The following GALNTL6 variants were observed in gnomAD, a reference collection of about 807,000 sequenced individuals.
The protein encoded by GALNTL6 is polypeptide N-acetylgalactosaminyltransferase like 6.
Under a neutral mutation model 73.7 loss-of-function variants are expected in GALNTL6, and 46 were observed. That is an observed-to-expected ratio of 0.62 (90% confidence interval 0.49 to 0.80). The LOEUF (loss-of-function observed/expected upper bound fraction) is 0.80. Among genes scored for constraint, GALNTL6 ranks in the 30% least tolerant of loss-of-function variants. The pLI, the probability that GALNTL6 is intolerant of heterozygous loss-of-function variation, is 0.00. For synonymous variants in GALNTL6, 259 were observed against 263.7 expected, an observed-to-expected ratio of 0.98 and a Z score of 0.17; for missense variants, 604 against 755.0, an observed-to-expected ratio of 0.80 and a Z score of 2.34.
chr4:173,020,500 C>G (rs562452216), intron 11 of GALNTL6, among the ~76,000 whole-genome samples: 11 of 152,014 alleles, frequency 7.2e-5, no homozygotes, highest in Non-Finnish European at 1.5e-4. Flanking sequence ...AGGGAGGTCT[C>G]TGTGTGTGTG....
chr4:172,264,890 T>A (rs982747299), intron 3 of GALNTL6, among the ~76,000 whole-genome samples: 1 of 151,428 alleles, frequency 6.6e-6, no homozygotes, highest in East Asian at 1.9e-4. Context: ...CATAGTTTTC[T>A]TGGCTTTGTC....
intron 2 of GALNTL6, among the ~76,000 whole-genome samples, chr4:172,215,019 C>T (rs1736451136): frequency 6.6e-6 from 1 of 151,818 alleles, no homozygotes; most frequent in Non-Finnish European, 1.5e-5. Flanking sequence ...TTTATGGACT[C>T]ATGTACAGTA....
chr4:172,177,415 C>G (rs1300222438), intron 2 of GALNTL6, among the ~76,000 whole-genome samples: 1 of 151,978 alleles, frequency 6.6e-6, no homozygotes, highest in Non-Finnish European at 1.5e-5. Flanking sequence ...TGATTTAACC[C>G]ATTTTGGAGA....
At position 172,071,118 on chromosome 4, in the gene GALNTL6, T is replaced by TA. The variant is rs1238072502; in HGVS notation, c.139-158529dup. On this transcript the variant is annotated intron_variant, in intron 2 of 12. Transcript: ENST00000506823. Reference sequence around the variant, plus strand: ...AATGAAGGTGAAAATTGTACTATAGTAAAAAAAAAGATCCAAATGCAATGG... The same window carrying TA: ...AATGAAGGTGAAAATTGTACTATAGTAAAAAAAAAAGATCCAAATGCAATGG... Among the ~76,000 whole-genome samples the TA allele has an allele frequency of 6.5e-4, 69 of 106,332 alleles. 17 individuals carry two copies. The highest frequency in any genetic ancestry group is 5.3e-3 in the East Asian group (25 of 4,684). 69.8% of individuals were successfully genotyped at this position (106,332 alleles called of 152,430 possible). A position where few individuals can be genotyped will look rare whatever the true frequency, so the allele number is the denominator to read the frequency against.
chr4:172,883,536 T>C (rs1232256909), intron 8 of GALNTL6, among the ~76,000 whole-genome samples: 1 of 152,066 alleles, frequency 6.6e-6, no homozygotes, highest in Non-Finnish European at 1.5e-5. Flanking sequence ...AACAACCAGA[T>C]CTCACGAGAA....
intron 3 of GALNTL6, among the ~76,000 whole-genome samples, chr4:172,261,240 T>G (rs75167261): frequency 0.023 from 3,495 of 151,596 alleles, 118 homozygotes; most frequent in African/African-American, 0.079. Flanking sequence ...GTCCTGGTTT[T>G]TTTTGTTGTT....
At chr4:172,812,255 T>C (rs1741352471) in intron 6 of GALNTL6, among the ~76,000 whole-genome samples, 1 of 152,194 alleles carries the variant, frequency 6.6e-6, no homozygotes, top group Admixed American at 6.6e-5. Flanking sequence ...AAACGGACAG[T>C]TTCCTTACTG....
At chr4:172,449,558 C>G (rs1400764509) in intron 5 of GALNTL6, among the ~76,000 whole-genome samples, 1 of 152,098 alleles carries the variant, frequency 6.6e-6, no homozygotes, top group African/African-American at 2.4e-5. Flanking sequence ...TTGAGTTTTC[C>G]TAGATGCCAG....
At chr4:172,081,890 A>T (rs1158928444) in intron 2 of GALNTL6, among the ~76,000 whole-genome samples, 13 of 111,060 alleles carry the variant, frequency 1.2e-4, no homozygotes, top group East Asian at 2.2e-4. Flanking sequence ...TTTTTTTTTT[A>T]AATTGAGACA....
chr4:172,836,759 A>C (rs933037921), intron 7 of GALNTL6, among the ~76,000 whole-genome samples: 2 of 152,178 alleles, frequency 1.3e-5, no homozygotes, highest in East Asian at 3.8e-4. Flanking sequence ...TTGCCAGGTA[A>C]CTGAGGTGTG....
chr4:173,037,472 C>T (rs2126544447), intron 12 of GALNTL6, among the ~76,000 whole-genome samples: 1 of 152,256 alleles, frequency 6.6e-6, no homozygotes, highest in African/African-American at 2.4e-5. Context: ...GCATACTCGA[C>T]TTGGTTCAGC....
intron 4 of GALNTL6, among the ~76,000 whole-genome samples, chr4:172,328,179 A>C (rs541622859): frequency 3.1e-4 from 47 of 152,166 alleles, no homozygotes; most frequent in African/African-American, 1.1e-3. Flanking sequence ...TTCTTGGTTG[A>C]AGATTTTTTT....
intron 10 of GALNTL6, among the ~76,000 whole-genome samples, chr4:172,958,593 G>A (rs1357100073): frequency 6.6e-6 from 1 of 152,196 alleles, no homozygotes; most frequent in African/African-American, 2.4e-5. Context: ...TTGTTTTGTA[G>A]AAGGTGTTGG....
In GALNTL6 at chr4:172,738,670, G is replaced by A. The variant is rs143877567; in HGVS notation, c.554-70691G>A. ...TCTGAGTCAAGTATGAGTGACCATG[G>A]CCCATGACACAGCCCTTAGGAGATC... On this transcript the variant is annotated intron_variant, in intron 5 of 12. Coordinates refer to ENST00000506823, the MANE Select transcript of GALNTL6 (RefSeq NM_001034845.3). Among the ~76,000 whole-genome samples, 41 of 152,232 alleles carry A rather than the reference G, an allele frequency of 2.7e-4. No homozygotes were observed. In the East Asian group the frequency reaches 7.0e-3, roughly 26 times the overall value.
intron 2 of GALNTL6, among the ~76,000 whole-genome samples, chr4:171,827,892 G>A (rs565265099): frequency 2.0e-5 from 3 of 151,976 alleles, no homozygotes; most frequent in Admixed American, 2.0e-4. Flanking sequence ...AATTTTTTTG[G>A]AGATTTTCAG....
chr4:172,189,044 T>C (rs1330753525), intron 2 of GALNTL6, among the ~76,000 whole-genome samples: 1 of 152,216 alleles, frequency 6.6e-6, no homozygotes, highest in Non-Finnish European at 1.5e-5. Context: ...ATCAACATCC[T>C]TCTTGTTAAC....
chr4:172,189,829 G>GATA (rs1415597488), intron 2 of GALNTL6, among the ~76,000 whole-genome samples: 51 of 151,704 alleles, frequency 3.4e-4, no homozygotes, highest in Admixed American at 2.2e-3. Context: ...TAATAATGAT[G>GATA]ATAATAATAA....
chr4:171,967,447 G>GTTTTTTTTTT (rs759348628), intron 2 of GALNTL6, among the ~76,000 whole-genome samples: 3 of 14,372 alleles, frequency 2.1e-4, no homozygotes, highest in East Asian at 4.6e-3. Context: ...CCCCCTATGG[G>GTTTTTTTTTT]TTTTTTTTTT....
At chr4:172,552,887 C>A (rs185955832) in intron 5 of GALNTL6, among the ~76,000 whole-genome samples, 1 of 137,526 alleles carries the variant, frequency 7.3e-6, no homozygotes, top group Non-Finnish European at 1.5e-5. Flanking sequence ...TTTGCACCAA[C>A]CTAATAACTC....
Sources: allele counts gnomAD v4.1 joint callset (sites outside exome capture counted in the v4.1 genomes callset), GRCh38; gene constraint gnomAD v4.1.1; transcripts MANE v1.5; gene names NCBI Gene and HGNC (gene_info 2026-07-23, HGNC 2026-07-21).